The following LRRC7 variants were observed in gnomAD, a reference collection of about 807,000 sequenced individuals.
LRRC7 encodes the protein leucine-rich repeat-containing protein 7.
LRRC7 carries 23 observed loss-of-function variants against 175.7 expected under a neutral mutation model. That is an observed-to-expected ratio of 0.13 (90% confidence interval 0.09 to 0.19). The LOEUF (loss-of-function observed/expected upper bound fraction) is 0.19. LRRC7 is among the 10% of genes least tolerant of loss of function. The probability of loss-of-function intolerance (pLI) is 1.00; values close to 1 mark genes in which losing one functional copy is unlikely to be tolerated. For synonymous variants in LRRC7, 685 were observed against 680.9 expected (o/e 1.01, Z -0.09); for missense variants, 1,354 against 1,904.7 (o/e 0.71, Z 5.38).
chr1:69,812,472 C>G (rs1678009080), intron 4 of LRRC7, among the ~76,000 whole-genome samples: 1 of 151,914 alleles, frequency 6.6e-6, no homozygotes, highest in East Asian at 1.9e-4. Context: ...AAAGAACCCT[C>G]TGTTCTTTCT....
chr1:69,854,636 T>C (rs555885226), intron 7 of LRRC7, among the ~76,000 whole-genome samples: 1 of 152,284 alleles, frequency 6.6e-6, no homozygotes, highest in South Asian at 2.1e-4. Context: ...TACACTCTCA[T>C]ATAGAATGAA....
chr1:70,025,107 G>T (rs1204361121), intron 17 of LRRC7, among the ~76,000 whole-genome samples: 1 of 151,932 alleles, frequency 6.6e-6, no homozygotes, highest in Non-Finnish European at 1.5e-5. Flanking sequence ...GCATCTACTA[G>T]CTATGTAATC....
intron 2 of LRRC7, among the ~76,000 whole-genome samples, chr1:69,751,356 CT>C (rs1301228701): frequency 6.6e-6 from 1 of 151,860 alleles, no homozygotes; most frequent in East Asian, 1.9e-4. Context: ...AAATAGTGTA[CT>C]TTTGTGCAGT....
At chr1:69,862,329 G>C (rs1684441456) in intron 7 of LRRC7, among the ~76,000 whole-genome samples, 1 of 152,146 alleles carries the variant, frequency 6.6e-6, no homozygotes, top group Non-Finnish European at 1.5e-5. Flanking sequence ...AGCAAAAATA[G>C]AGAGTGGGAT....
chr1:69,830,777 T>A (rs1261129532), intron 5 of LRRC7, among the ~76,000 whole-genome samples: 2 of 151,922 alleles, frequency 1.3e-5, no homozygotes, highest in Non-Finnish European at 2.9e-5. Flanking sequence ...ATCGTATTCT[T>A]AACTCCACAT....
intron 8 of LRRC7, among the ~76,000 whole-genome samples, chr1:69,970,060 AT>A (rs1652073196): frequency 6.6e-6 from 1 of 152,192 alleles, no homozygotes; most frequent in African/African-American, 2.4e-5. Context: ...CAAGATGGAA[AT>A]TTAAAAATTC....
chr1:70,063,526 A>C (rs887214458), intron 23 of LRRC7, among the ~76,000 whole-genome samples: 18 of 152,054 alleles, frequency 1.2e-4, no homozygotes, highest in African/African-American at 4.1e-4. Context: ...CTTCACTGTT[A>C]ACTTGAAGTT....
intron 7 of LRRC7, among the ~76,000 whole-genome samples, chr1:69,886,684 C>T (rs1025239425): frequency 2.1e-5 from 3 of 146,084 alleles, no homozygotes; most frequent in East Asian, 2.0e-4. Flanking sequence ...TGATTTTGCT[C>T]ATTAGTTGAT....
intron 1 of LRRC7, among the ~76,000 whole-genome samples, chr1:69,639,606 G>C (rs577935159): frequency 6.6e-6 from 1 of 151,868 alleles, no homozygotes; most frequent in South Asian, 2.1e-4. Context: ...TGGCTCTCTG[G>C]CCCATGGCAT....
At chr1:69,844,674 C>T (rs995625602) in intron 7 of LRRC7, among the ~76,000 whole-genome samples, 2 of 151,976 alleles carry the variant, frequency 1.3e-5, no homozygotes, top group African/African-American at 2.4e-5. Flanking sequence ...TTCAAGATCC[C>T]GGGGTGAGTT....
In LRRC7 at chr1:70,129,580, AG is replaced by A. The variant is rs1291595527; in HGVS notation, c.*7694del. Among the ~76,000 whole-genome samples, 1 of 152,192 alleles carries A rather than the reference AG, an allele frequency of 6.6e-6. No individual in the cohort carries two copies. Among genetic ancestry groups the A allele is most frequent in the East Asian group, 1.9e-4 (1 of 5,190 alleles). ...TCTTCTAGGTTCAGCGGCCCCAAAA[AG>A]TCCCTCCTATGACCACTGTCAGGGA... On this transcript the variant is annotated 3_prime_UTR_variant, in exon 27 of 27. Coordinates refer to ENST00000651989, the MANE Select transcript of LRRC7 (RefSeq NM_001370785.2).
chr1:69,824,522 G>T (rs1429471638), intron 4 of LRRC7, among the ~76,000 whole-genome samples: 1 of 151,976 alleles, frequency 6.6e-6, no homozygotes, highest in Non-Finnish European at 1.5e-5. Flanking sequence ...ATGATTTCTG[G>T]TGAAATTTTA....
intron 7 of LRRC7, among the ~76,000 whole-genome samples, chr1:69,926,232 A>T (rs1222030625): frequency 1.5e-5 from 2 of 134,578 alleles, no homozygotes; most frequent in South Asian, 2.5e-4. Flanking sequence ...TATGTGGTCA[A>T]TTTTGGAATA....
intron 1 of LRRC7, among the ~76,000 whole-genome samples, chr1:69,588,985 C>CTGTGTGTGTGTGTGTGTGTGTG (rs138325158): frequency 3.8e-5 from 5 of 131,070 alleles, no homozygotes; most frequent in South Asian, 2.6e-4. Flanking sequence ...CTGCTGGGGT[C>CTGTGTGTGTGTGTGTGTGTGTG]TGTGTGTGTG....
intron 4 of LRRC7, among the ~76,000 whole-genome samples, chr1:69,799,778 G>A (rs969797098): frequency 2.0e-5 from 3 of 152,058 alleles, no homozygotes; most frequent in Admixed American, 2.0e-4. Context: ...GTGCTTTAGA[G>A]CACAAAATCT....
At chr1:70,006,080 G>T (rs1350470952) in intron 11 of LRRC7, among the ~76,000 whole-genome samples, 2 of 151,450 alleles carry the variant, frequency 1.3e-5, no homozygotes, top group African/African-American at 4.9e-5. Flanking sequence ...CAACTTAAAT[G>T]ATTTTTAACA....
At position 70,039,306 on chromosome 1, in the gene LRRC7, C is replaced by T; in HGVS notation, c.3482C>T (p.Thr1161Ile). ...LRRADSLVSA[T>I]EMAMFRRVNE... ...AGGGCCGACTCCCTGGTGAGCGCCA[C>T]AGAAATGGCCATGTTTAGAAGGGTC... is the stretch of plus-strand genomic sequence containing the variant. Residue 1161 changes from threonine (T) to isoleucine (I), a missense_variant, in exon 21 of 27, where the codon ACA (threonine) becomes ATA (isoleucine). Transcript: ENST00000651989. 6.2e-7 allele frequency: 1 copy of T among 1,614,062 alleles called. No individual in the cohort carries two copies. The highest frequency in any genetic ancestry group is 8.5e-7 in the Non-Finnish European group (1 of 1,180,002).
At chr1:69,807,389 C>G (rs1477773203) in intron 4 of LRRC7, among the ~76,000 whole-genome samples, 1 of 151,924 alleles carries the variant, frequency 6.6e-6, no homozygotes, top group East Asian at 1.9e-4. Flanking sequence ...TTCTTCCTAG[C>G]CTTGATGGTC....
intron 23 of LRRC7, among the ~76,000 whole-genome samples, chr1:70,068,016 A>T (rs1662106458): frequency 6.6e-6 from 1 of 151,966 alleles, no homozygotes; most frequent in African/African-American, 2.4e-5. Flanking sequence ...TTGGTTGTTG[A>T]TTCTTTTGAA....
Sources: allele counts gnomAD v4.1 joint callset (sites outside exome capture counted in the v4.1 genomes callset), GRCh38; gene constraint gnomAD v4.1.1; transcripts MANE v1.5; gene names NCBI Gene and HGNC (gene_info 2026-07-23, HGNC 2026-07-21).